RABGEF1: variants seen among roughly 807,000 people sequenced by gnomAD.
The protein encoded by RABGEF1 is rab5 GDP/GTP exchange factor.
In RABGEF1, 26 loss-of-function variants were observed where a neutral mutation model predicts 57.3. The ratio of observed to expected loss-of-function variants is 0.45; its 90% CI spans 0.33 to 0.63. The LOEUF (loss-of-function observed/expected upper bound fraction) is 0.63. Among genes scored for constraint, RABGEF1 ranks in the 20% least tolerant of loss-of-function variants. The pLI, the probability that RABGEF1 is intolerant of heterozygous loss-of-function variation, is 0.02. For synonymous variants in RABGEF1, 185 were observed against 210.7 expected (o/e 0.88, Z 1.06); for missense variants, 464 against 607.6 (o/e 0.76, Z 2.48).
chr7:66,707,916 A>G (rs1435785713), intron 1 of RABGEF1, among the ~76,000 whole-genome samples: 2 of 152,094 alleles, frequency 1.3e-5, no homozygotes, highest in Non-Finnish European at 2.9e-5. Flanking sequence ...TTTTTCTGAC[A>G]TTAATATAGC....
intron 2 of RABGEF1, among the ~76,000 whole-genome samples, chr7:66,734,761 T>C (rs892852408): frequency 3.9e-5 from 6 of 151,998 alleles, no homozygotes; most frequent in African/African-American, 1.5e-4. Flanking sequence ...GGGAGACCAA[T>C]GGGTGCATGA....
chr7:66,767,809 T>A (rs1481733586), intron 1 of RABGEF1, among the ~76,000 whole-genome samples: 2 of 152,214 alleles, frequency 1.3e-5, no homozygotes, highest in East Asian at 3.8e-4. Context: ...CTTCCTGCAC[T>A]GTGAGAAATA....
intron 1 of RABGEF1, among the ~76,000 whole-genome samples, chr7:66,702,120 A>G (rs185906616): frequency 6.6e-6 from 1 of 152,230 alleles, no homozygotes; most frequent in African/African-American, 2.4e-5. Context: ...GGATTTGCCT[A>G]TTTGGATATT....
intron 1 of RABGEF1, among the ~76,000 whole-genome samples, chr7:66,710,528 A>T (rs1171386510): frequency 6.6e-6 from 1 of 152,210 alleles, no homozygotes; most frequent in Non-Finnish European, 1.5e-5. Context: ...CAGTCATTTT[A>T]TATCTTTGTC....
chr7:66,755,854 A>G, intron 1 of RABGEF1: 1 of 483,212 alleles, frequency 2.1e-6, no homozygotes, highest in Admixed American at 3.8e-5. Context: ...AATCAACTCT[A>G]CATTGTATTC....
At chr7:66,671,726 G>C in the RABGEF1 span, among the ~76,000 whole-genome samples, 1 of 152,080 alleles carries the variant, frequency 6.6e-6, no homozygotes, top group Non-Finnish European at 1.5e-5. Context: ...TGAGGCTGAG[G>C]TGGGAGGATT....
chr7:66,771,937 A>C lies in RABGEF1; in HGVS notation c.38A>C (p.Asp13Ala), dbSNP rs1807253079. The change falls in exon 2 of 9, where the codon GAT (aspartate) becomes GCT (alanine). Residue 13 changes from aspartate to alanine, a missense_variant. Coordinates refer to ENST00000284957, the MANE Select transcript of RABGEF1 (RefSeq NM_014504.3). ...TCTGAACGCCGAGGAATTCATGTGG[A>C]TCAATCGGATCTCCTGTGCAAGAAA... Reference protein sequence around the residue: ...LKSERRGIHVDQSDLLCKKGC... With the variant: ...LKSERRGIHVAQSDLLCKKGC... The C allele has an allele frequency of 6.3e-7, 1 of 1,576,274 alleles. No individual in the cohort carries two copies. Among genetic ancestry groups the C allele is most frequent in the African/African-American group, 1.4e-5 (1 of 73,000 alleles).
chr7:66,706,475 T>C (rs898895245), intron 1 of RABGEF1, among the ~76,000 whole-genome samples: 2 of 152,166 alleles, frequency 1.3e-5, no homozygotes, highest in African/African-American at 2.4e-5. Context: ...AGTGGTGTGA[T>C]CTCTGCTTAC....
At chr7:66,660,648 G>A in the RABGEF1 span, among the ~76,000 whole-genome samples, 7 of 152,106 alleles carry the variant, frequency 4.6e-5, no homozygotes, top group South Asian at 1.5e-3. Context: ...TAGAAAGTAG[G>A]GGTAAACCTA....
At chr7:66,757,192 T>C (rs1309821350) in intron 1 of RABGEF1, among the ~76,000 whole-genome samples, 4 of 152,224 alleles carry the variant, frequency 2.6e-5, no homozygotes, top group Non-Finnish European at 5.9e-5. Flanking sequence ...TTATGTGGAT[T>C]ATATTTTCTC....
At chr7:66,744,981 A>AC (rs1437894787) in intron 1 of RABGEF1, among the ~76,000 whole-genome samples, 1 of 151,994 alleles carries the variant, frequency 6.6e-6, no homozygotes, top group East Asian at 1.9e-4. Flanking sequence ...TCATGAGGTC[A>AC]CGAGATCCAG....
chr7:66,719,304 CTGGTTTACCA>C (rs1795743478), intron 2 of RABGEF1, among the ~76,000 whole-genome samples: 1 of 152,292 alleles, frequency 6.6e-6, no homozygotes, highest in East Asian at 1.9e-4. Flanking sequence ...CTGTCTGTAC[CTGGTTTACCA>C]TCTTAGCCTC....
upstream of RABGEF1, among the ~76,000 whole-genome samples, chr7:66,736,844 G>A (rs1042314163): frequency 3.3e-5 from 5 of 152,110 alleles, no homozygotes; most frequent in South Asian, 1.0e-3. Context: ...CAGGGCGACA[G>A]AGCGAGACTC....
At chr7:66,670,894 TACACACAC>T in the RABGEF1 span, among the ~76,000 whole-genome samples, 3 of 145,592 alleles carry the variant, frequency 2.1e-5, no homozygotes, top group African/African-American at 7.6e-5. Flanking sequence ...CACATACGTA[TACACACAC>T]ACACACACAC....
chr7:66,760,959 G>A (rs569254384), intron 1 of RABGEF1, among the ~76,000 whole-genome samples: 3 of 152,226 alleles, frequency 2.0e-5, no homozygotes, highest in African/African-American at 7.2e-5. Context: ...TTTATTAAGC[G>A]TTTAGTACGT....
the RABGEF1 span, among the ~76,000 whole-genome samples, chr7:66,656,405 A>G: frequency 6.6e-6 from 1 of 152,144 alleles, no homozygotes; most frequent in African/African-American, 2.4e-5. Flanking sequence ...GGCATCAGCT[A>G]CTGAGCCTGG....
intron 2 of RABGEF1, among the ~76,000 whole-genome samples, chr7:66,735,405 G>A (rs1434108379): frequency 2.0e-5 from 3 of 152,236 alleles, no homozygotes; most frequent in Non-Finnish European, 4.4e-5. Flanking sequence ...CAAACTGGCA[G>A]AGATCCACAT....
intron 2 of RABGEF1, among the ~76,000 whole-genome samples, chr7:66,732,367 C>G (rs905071786): frequency 2.6e-5 from 4 of 152,202 alleles, no homozygotes; most frequent in African/African-American, 9.6e-5. Flanking sequence ...CTTGGCTCCC[C>G]TGCTGCCCAC....
In RABGEF1 at chr7:66,741,597, G is replaced by A. The variant is rs1300313036; in HGVS notation, c.-18+805G>A. Among the ~76,000 whole-genome samples the A allele has an allele frequency of 3.9e-5, 6 of 152,322 alleles. No individual in the cohort carries two copies. The East Asian group carries it at 5.8e-4, about 15-fold the overall frequency. Reference sequence around the variant, plus strand: ...GGGCTCGTTTTGCCTTTGAGATTAGGTAGGAAATTTTCCCAGGACGAGTTT... The same window carrying A: ...GGGCTCGTTTTGCCTTTGAGATTAGATAGGAAATTTTCCCAGGACGAGTTT... On this transcript the variant is annotated intron_variant, in intron 1 of 8. Coordinates refer to ENST00000284957, the MANE Select transcript of RABGEF1 (RefSeq NM_014504.3).
Sources: gnomAD v4.1 joint callset for allele counts (sites outside exome capture counted in the v4.1 genomes callset) on GRCh38, gnomAD v4.1.1 for gene constraint, MANE v1.5 for transcripts, NCBI Gene and HGNC (gene_info 2026-07-23, HGNC 2026-07-21) for gene names.